CHCHD6: variants seen among roughly 807,000 people sequenced by gnomAD.
The protein encoded by CHCHD6 is MICOS complex subunit MIC25.
CHCHD6 carries 28 observed loss-of-function variants against 32.3 expected under a neutral mutation model. The ratio of observed to expected loss-of-function variants is 0.87; its 90% CI spans 0.64 to 1.19. The LOEUF is 1.19. Among genes scored for constraint, CHCHD6 ranks in the 50% most tolerant of loss-of-function variants. The pLI, the probability that CHCHD6 is intolerant of heterozygous loss-of-function variation, is 0.00. For synonymous variants in CHCHD6, 122 were observed against 117.5 expected (o/e 1.04, Z -0.25); for missense variants, 333 against 307.0 (o/e 1.08, Z -0.63).
In CHCHD6 at chr3:126,798,587, A is replaced by G. The variant is rs1576428920; in HGVS notation, c.412-54060A>G. Among the ~76,000 whole-genome samples, 4 of 133,302 alleles carry G rather than the reference A, an allele frequency of 3.0e-5. No individual in the cohort carries two copies. In the East Asian group the frequency reaches 9.3e-4, roughly 31 times the overall value. The allele number at this position is 133,302 out of a possible 152,430, so 87.5% of individuals were successfully genotyped here. On this transcript the variant is annotated intron_variant, in intron 4 of 7. Coordinates refer to ENST00000290913, the MANE Select transcript of CHCHD6 (RefSeq NM_032343.3). Reference sequence around the variant, plus strand: ...GCTCCCCGATGGTACTCGTTCTGTTACTAGCAGGGTGCCCCCGCTCTGTGG... The same window carrying G: ...GCTCCCCGATGGTACTCGTTCTGTTGCTAGCAGGGTGCCCCCGCTCTGTGG...
intron 4 of CHCHD6, among the ~76,000 whole-genome samples, chr3:126,780,015 T>A (rs985050206): frequency 6.6e-6 from 1 of 152,230 alleles, no homozygotes; most frequent in Non-Finnish European, 1.5e-5. Flanking sequence ...CAGTTAAGTG[T>A]GTTCCAGATC....
At chr3:126,863,751 T>C (rs897053524) in intron 5 of CHCHD6, among the ~76,000 whole-genome samples, 749 of 35,346 alleles carry the variant, frequency 0.021, no homozygotes, top group East Asian at 0.039. Context: ...CCACCTCCTC[T>C]TCCACCACCA....
chr3:126,895,348 G>T (rs1441032922), intron 5 of CHCHD6, among the ~76,000 whole-genome samples: 1 of 152,158 alleles, frequency 6.6e-6, no homozygotes, highest in African/African-American at 2.4e-5. Context: ...CTGGGTGCTG[G>T]GGTGACAGAT....
At chr3:126,916,699 C>T (rs958410549) in intron 6 of CHCHD6, among the ~76,000 whole-genome samples, 3 of 152,198 alleles carry the variant, frequency 2.0e-5, no homozygotes, top group Non-Finnish European at 4.4e-5. Context: ...AAGGGTTCCC[C>T]CCGGTATGTC....
intron 4 of CHCHD6, among the ~76,000 whole-genome samples, chr3:126,848,742 G>A (rs1941374676): frequency 6.6e-6 from 1 of 152,104 alleles, no homozygotes; most frequent in Non-Finnish European, 1.5e-5. Context: ...GGGTTTTATT[G>A]TATTCTTTCT....
intron 1 of CHCHD6, among the ~76,000 whole-genome samples, chr3:126,711,994 G>C (rs528432653): frequency 6.6e-6 from 1 of 152,356 alleles, no homozygotes; most frequent in African/African-American, 2.4e-5. Context: ...TGAGGCATTA[G>C]AAAACAAGGT....
intron 4 of CHCHD6, among the ~76,000 whole-genome samples, chr3:126,799,719 TC>T (rs1440286591): frequency 6.6e-6 from 1 of 152,060 alleles, no homozygotes; most frequent in African/African-American, 2.4e-5. Flanking sequence ...TGTCCTTTTT[TC>T]TCCTGGGTTG....
intron 5 of CHCHD6, among the ~76,000 whole-genome samples, chr3:126,901,408 G>A (rs1375315994): frequency 1.3e-5 from 2 of 152,186 alleles, no homozygotes; most frequent in African/African-American, 4.8e-5. Flanking sequence ...GCACGGGAAT[G>A]TACTAGTTGG....
intron 4 of CHCHD6, among the ~76,000 whole-genome samples, chr3:126,843,912 A>G (rs1249029415): frequency 6.6e-6 from 1 of 152,188 alleles, no homozygotes; most frequent in Non-Finnish European, 1.5e-5. Flanking sequence ...TTACAGTAGC[A>G]GTTTTAAAGT....
intron 7 of CHCHD6, among the ~76,000 whole-genome samples, chr3:126,958,249 G>A (rs1423719335): frequency 6.6e-6 from 1 of 151,534 alleles, no homozygotes; most frequent in Non-Finnish European, 1.5e-5. Context: ...GCTGTTCCCA[G>A]CCATACCTCA....
intron 5 of CHCHD6, among the ~76,000 whole-genome samples, chr3:126,879,993 C>T (rs1324353405): frequency 2.0e-5 from 3 of 152,126 alleles, no homozygotes; most frequent in Non-Finnish European, 4.4e-5. Flanking sequence ...TAAACCTACA[C>T]CCAGACTCTC....
At chr3:126,767,426 C>A (rs1937420759) in intron 4 of CHCHD6, 17 of 720,332 alleles carry the variant, frequency 2.4e-5, no homozygotes, top group South Asian at 2.3e-4. Flanking sequence ...CTTGGTGTCA[C>A]CATGTCCCAG....
At chr3:126,807,835 A>T (rs923811122) in intron 4 of CHCHD6, among the ~76,000 whole-genome samples, 2 of 152,184 alleles carry the variant, frequency 1.3e-5, no homozygotes, top group African/African-American at 2.4e-5. Context: ...GGGAGTGGCA[A>T]ACTTTTTCAT....
chr3:126,704,265 G>T lies in CHCHD6; in HGVS notation c.-48G>T. The T allele has an allele frequency of 6.6e-7, 1 of 1,508,512 alleles. No individual in the cohort carries two copies. The allele number at this position is 1,508,512 out of a possible 1,614,324, so 93.4% of individuals were successfully genotyped here. A position where few individuals can be genotyped will look rare whatever the true frequency, so the allele number is the denominator to read the frequency against. Reference sequence around the variant, plus strand: ...AAAGCGTTGTTGGCCCGGTTGCTCTGGAGCCGGGTCTCGGGTCTGGTGGCT... The same window carrying T: ...AAAGCGTTGTTGGCCCGGTTGCTCTTGAGCCGGGTCTCGGGTCTGGTGGCT... On this transcript the variant is annotated 5_prime_UTR_variant, in exon 1 of 8. Coordinates refer to ENST00000290913, the MANE Select transcript of CHCHD6 (RefSeq NM_032343.3).
chr3:126,910,427 C>G (rs549630406), intron 5 of CHCHD6, among the ~76,000 whole-genome samples: 44 of 152,232 alleles, frequency 2.9e-4, no homozygotes, highest in Non-Finnish European at 4.7e-4. Flanking sequence ...TGCCCTGTGC[C>G]TCTGCAGCAA....
In CHCHD6 at chr3:126,824,560, CAAA is replaced by C. The variant is rs71150454; in HGVS notation, c.412-28068_412-28066del. Among the ~76,000 whole-genome samples, 18 of 39,998 alleles carry C rather than the reference CAAA, an allele frequency of 4.5e-4. 2 individuals are homozygous for C. The South Asian group carries it at 0.015, about 33-fold the overall frequency. The allele number at this position is 39,998 out of a possible 152,430, so 26.2% of individuals were successfully genotyped here. ...TAGGTGATAGAGCAAGACTCTGTCT[CAAA>C]AAAAAAAAAAAAAAAAAAGTCAAAT... On this transcript the variant is annotated intron_variant, in intron 4 of 7. Transcript: ENST00000290913.
chr3:126,846,455 A>G lies in CHCHD6; in HGVS notation c.412-6192A>G, dbSNP rs548609885. On this transcript the variant is annotated intron_variant, in intron 4 of 7. Transcript: ENST00000290913. Reference sequence around the variant, plus strand: ...CCTGGGATTTTAAAAGACCAAGACTATGTATGTGGCTTTGCACAATATTTC... The same window carrying G: ...CCTGGGATTTTAAAAGACCAAGACTGTGTATGTGGCTTTGCACAATATTTC... 2.6e-5 allele frequency among the ~76,000 whole-genome samples: 4 copies of G among 152,354 alleles called. No homozygotes were observed. In the East Asian group the frequency reaches 7.7e-4, roughly 29 times the overall value.
At chr3:126,927,880 G>A (rs147137993) in intron 6 of CHCHD6, among the ~76,000 whole-genome samples, 6 of 152,276 alleles carry the variant, frequency 3.9e-5, no homozygotes, top group African/African-American at 1.4e-4. Context: ...AGAAAGCTTT[G>A]CATCAGTTAT....
intron 5 of CHCHD6, among the ~76,000 whole-genome samples, chr3:126,908,703 A>G (rs905291497): frequency 6.6e-6 from 1 of 152,216 alleles, no homozygotes; most frequent in African/African-American, 2.4e-5. Flanking sequence ...TACATAGTAT[A>G]CTTGGTTGGT....
Sources: gnomAD v4.1 joint callset for allele counts (sites outside exome capture counted in the v4.1 genomes callset) on GRCh38, gnomAD v4.1.1 for gene constraint, MANE v1.5 for transcripts, NCBI Gene and HGNC (gene_info 2026-07-23, HGNC 2026-07-21) for gene names.